ZNF106: variants seen among roughly 807,000 people sequenced by gnomAD.
ZNF106 encodes zinc finger protein 106.
In ZNF106, 67 loss-of-function variants were observed where a neutral mutation model predicts 195.1. The observed-to-expected ratio is 0.34, with a 90% CI of 0.28 to 0.42. ZNF106 has a LOEUF of 0.42. ZNF106 is among the 10% of genes least tolerant of loss of function. The pLI is 1.00. For synonymous variants in ZNF106, 784 were observed against 818.6 expected, an observed-to-expected ratio of 0.96 and a Z score of 0.72; for missense variants, 2,118 against 2,304.5, an observed-to-expected ratio of 0.92 and a Z score of 1.66.
chr15:42,472,370 T>C, intron 1 of ZNF106, 49 bp from the exon 2 acceptor site: 1 of 1,390,734 alleles, frequency 7.2e-7, no homozygotes, highest in African/African-American at 1.4e-5. Context: ...CAGTACCTTC[T>C]TACATTCATC....
chr15:42,428,840 T>C lies in ZNF106; in HGVS notation c.4882-706A>G, dbSNP rs557115466. Among the ~76,000 whole-genome samples, 55 of 152,108 alleles carry C rather than the reference T, an allele frequency of 3.6e-4. No individual in the cohort carries two copies. The East Asian group carries it at 0.01, about 29-fold the overall frequency. ...GTGCAGTGGTGCGATCTCGGCTCAC[T>C]GCAAGCTCCACCTCCCCGGTTCACA... On this transcript the variant is annotated intron_variant, in intron 14 of 21. Coordinates refer to ENST00000564754, the MANE Select transcript of ZNF106 (RefSeq NM_001366845.3).
At chr15:42,459,717 A>T (rs1168824966) in intron 3 of ZNF106, among the ~76,000 whole-genome samples, 1 of 152,098 alleles carries the variant, frequency 6.6e-6, no homozygotes, top group Non-Finnish European at 1.5e-5. Context: ...CACTATAAAC[A>T]TTCCAATCAA....
intron 3 of ZNF106, among the ~76,000 whole-genome samples, chr15:42,463,644 A>G (rs1367646698): frequency 1.3e-5 from 2 of 152,160 alleles, no homozygotes; most frequent in South Asian, 4.1e-4. Context: ...AAAGCCAAAA[A>G]TAAAAGCCAA....
At chr15:42,472,406 T>C (rs2056694848) in intron 1 of ZNF106, 85 bp from the exon 2 acceptor site, 1 of 979,482 alleles carries the variant, frequency 1.0e-6, no homozygotes, top group African/African-American at 1.6e-5. Flanking sequence ...TTACAAGTCT[T>C]ATCTTCCTCA....
intron 6 of ZNF106, among the ~76,000 whole-genome samples, chr15:42,447,309 G>C (rs1357512357): frequency 6.6e-6 from 1 of 152,086 alleles, no homozygotes; most frequent in East Asian, 1.9e-4. Flanking sequence ...GAGTTCAGGA[G>C]TTCCAGAGCA....
At chr15:42,455,197 T>TA (rs1217721245) in intron 4 of ZNF106, among the ~76,000 whole-genome samples, 24 of 152,234 alleles carry the variant, frequency 1.6e-4, no homozygotes, top group African/African-American at 5.1e-4. Context: ...GAGTGTCCCG[T>TA]ATCTGAAATG....
chr15:42,426,860 A>T (rs2054878143), intron 15 of ZNF106, among the ~76,000 whole-genome samples: 1 of 152,198 alleles, frequency 6.6e-6, no homozygotes, highest in Non-Finnish European at 1.5e-5. Context: ...TAAAATGCAA[A>T]AATCTTCACT....
Position 42,450,331 on chromosome 15 carries a change from C to G in ZNF106, c.1941G>C (p.Glu647Asp), listed in dbSNP as rs2055952431. Residue 647 changes from glutamate (E) to aspartate (D), a missense_variant, in exon 5 of 22, where the codon GAG becomes GAC. Transcript: ENST00000564754. Reference sequence around the variant, plus strand: ...TCAGGATGCGGTCATCCTCCTCTTTCTCATCAGCAGTTCGAGTGCTGCCAG... The same window carrying G: ...TCAGGATGCGGTCATCCTCCTCTTTGTCATCAGCAGTTCGAGTGCTGCCAG... ...LLSGSTRTADEKEEDDRILKT... is the reference protein window; with the variant it reads ...LLSGSTRTADDKEEDDRILKT... 3 of 1,614,078 alleles carry G rather than the reference C, an allele frequency of 1.9e-6. No homozygotes were observed. Among genetic ancestry groups the G allele is most frequent in the Non-Finnish European group, 2.5e-6 (3 of 1,180,046 alleles).
chr15:42,448,875 G>A (rs570030487), intron 5 of ZNF106, among the ~76,000 whole-genome samples, 170 bp from the exon 6 acceptor site: 40 of 152,098 alleles, frequency 2.6e-4, no homozygotes, highest in Non-Finnish European at 2.5e-4. Flanking sequence ...AATATATTAC[G>A]TTGTCACAAG....
intron 3 of ZNF106, among the ~76,000 whole-genome samples, chr15:42,461,321 G>C (rs2056387716): frequency 6.6e-6 from 1 of 152,138 alleles, no homozygotes; most frequent in Admixed American, 6.5e-5. Context: ...ATAATCACGG[G>C]GGAAATGTAC....
Position 42,413,176 on chromosome 15 carries a change from T to C in ZNF106, c.*4128A>G, listed in dbSNP as rs959390395. 9.2e-5 allele frequency: 14 copies of C among 152,188 alleles called. No homozygotes were observed. The highest frequency in any genetic ancestry group is 3.1e-4 in the African/African-American group (13 of 41,450). The allele number at this position is 152,188 out of a possible 1,614,324, so 9.4% of individuals were successfully genotyped here. On this transcript the variant is annotated 3_prime_UTR_variant, in exon 22 of 22. Coordinates refer to ENST00000564754, the MANE Select transcript of ZNF106 (RefSeq NM_001366845.3). ...CAGGTAACCCAGCAGGGCCATATAC[T>C]TGGGCTTGGAGGTGAGGTTAGAGGT...
At chr15:42,457,361 A>G in intron 3 of ZNF106, 1 of 1,425,044 alleles carries the variant, frequency 7.0e-7, no homozygotes, top group South Asian at 1.6e-5. Context: ...ATTCTTTTCC[A>G]GCAATCAAGA....
At chr15:42,481,068 G>A (rs2056888235) in intron 1 of ZNF106, among the ~76,000 whole-genome samples, 1 of 152,024 alleles carries the variant, frequency 6.6e-6, no homozygotes, top group Non-Finnish European at 1.5e-5. Flanking sequence ...ATCATCCCAT[G>A]CTTTATGGGA....
At position 42,425,008 on chromosome 15, in the gene ZNF106, C is replaced by T; in HGVS notation, c.5016G>A (p.Glu1672=). The part of the protein sequence containing the change: ...TFNIKNNKRL[E]IFECHGPRAV... Reference sequence around the variant, plus strand: ...CCCGAGGGCCATGGCATTCAAAGATCTCAAGTCGTTTGTTGTTCTGGAAAA... The same window carrying T: ...CCCGAGGGCCATGGCATTCAAAGATTTCAAGTCGTTTGTTGTTCTGGAAAA... The change falls in exon 16 of 22, where the codon GAG becomes GAA. Residue 1672 remains glutamate, a synonymous_variant. Transcript: ENST00000564754. The T allele has an allele frequency of 6.2e-7, 1 of 1,614,108 alleles. No individual in the cohort carries two copies. Among genetic ancestry groups the T allele is most frequent in the Non-Finnish European group, 8.5e-7 (1 of 1,180,004 alleles).
intron 21 of ZNF106, 114 bp downstream of exon 21, chr15:42,417,688 TAAA>T (rs774758777): frequency 8.0e-7 from 1 of 1,251,338 alleles, no homozygotes; most frequent in South Asian, 1.8e-5. Context: ...ATCATAAAAA[TAAA>T]AAACCCTAGG....
At chr15:42,456,320 T>G (rs2056225250) in intron 4 of ZNF106, among the ~76,000 whole-genome samples, 1 of 152,186 alleles carries the variant, frequency 6.6e-6, no homozygotes, top group Non-Finnish European at 1.5e-5. Context: ...ACTGGAAAAT[T>G]TAAACGCCAA....
At chr15:42,435,824 C>A (rs765758999) in intron 13 of ZNF106, among the ~76,000 whole-genome samples, 4 of 152,108 alleles carry the variant, frequency 2.6e-5, no homozygotes, top group Non-Finnish European at 5.9e-5. Flanking sequence ...ACATATGGAC[C>A]AAGGACCTAG....
chr15:42,446,506 G>A, intron 7 of ZNF106, 83 bp downstream of exon 7: 1 of 1,035,950 alleles, frequency 9.7e-7, no homozygotes, highest in Non-Finnish European at 1.5e-6. Flanking sequence ...GAGCCCAAGA[G>A]TTGGAGGTTA....
chr15:42,485,244 T>C (rs2056986455), intron 1 of ZNF106, among the ~76,000 whole-genome samples: 1 of 152,204 alleles, frequency 6.6e-6, no homozygotes, highest in Non-Finnish European at 1.5e-5. Flanking sequence ...TTCACCTACA[T>C]GAACATCTTC....
Sources: allele counts gnomAD v4.1 joint callset (sites outside exome capture counted in the v4.1 genomes callset), GRCh38; gene constraint gnomAD v4.1.1; transcripts MANE v1.5; gene names NCBI Gene and HGNC (gene_info 2026-07-23, HGNC 2026-07-21).